CTNND2: variants seen among roughly 807,000 people sequenced by gnomAD.
CTNND2 encodes catenin delta 2.
In CTNND2, 22 loss-of-function variants were observed where a neutral mutation model predicts 144.4. That is an observed-to-expected ratio of 0.15 (90% confidence interval 0.11 to 0.22). CTNND2 has a LOEUF of 0.22. CTNND2 is among the 10% of genes least tolerant of loss of function. The pLI is 1.00. For missense variants in CTNND2, 1,353 were observed against 1,618.8 expected (o/e 0.84, Z 2.82); for synonymous variants, 751 against 695.6 (o/e 1.08, Z -1.25).
intron 11 of CTNND2, among the ~76,000 whole-genome samples, chr5:11,161,723 G>A (rs376108855): frequency 4.6e-5 from 7 of 152,074 alleles, no homozygotes; most frequent in African/African-American, 1.2e-4. Flanking sequence ...TATACAATGC[G>A]AAAATATAGG....
At chr5:11,516,767 T>C (rs1226411243) in intron 3 of CTNND2, among the ~76,000 whole-genome samples, 1 of 152,172 alleles carries the variant, frequency 6.6e-6, no homozygotes, top group Non-Finnish European at 1.5e-5. Flanking sequence ...ACAGATTTAA[T>C]ACAATCTCTA....
intron 16 of CTNND2, among the ~76,000 whole-genome samples, chr5:11,073,641 A>C (rs938117935): frequency 1.3e-5 from 2 of 152,194 alleles, no homozygotes; most frequent in Non-Finnish European, 2.9e-5. Context: ...AATTCCCCAA[A>C]AGGTGTCCCA....
chr5:11,711,945 G>T (rs1896703), intron 2 of CTNND2, among the ~76,000 whole-genome samples: 15,654 of 152,186 alleles, frequency 0.1, 929 homozygotes, highest in East Asian at 0.19. Flanking sequence ...AGTCCTCATT[G>T]ATAATTAGTT....
chr5:11,061,339 A>G (rs1292574484), intron 16 of CTNND2, among the ~76,000 whole-genome samples: 1 of 152,176 alleles, frequency 6.6e-6, no homozygotes, highest in East Asian at 1.9e-4. Flanking sequence ...GACTTTTAGT[A>G]ATAAACATCT....
intron 1 of CTNND2, among the ~76,000 whole-genome samples, chr5:11,857,819 G>A (rs1582015519): frequency 1.3e-5 from 2 of 152,148 alleles, no homozygotes; most frequent in South Asian, 2.1e-4. Flanking sequence ...GAGCATATAA[G>A]AAAAGGAAGA....
intron 3 of CTNND2, among the ~76,000 whole-genome samples, chr5:11,534,963 G>C (rs896140944): frequency 2.6e-5 from 4 of 152,088 alleles, no homozygotes; most frequent in African/African-American, 9.7e-5. Flanking sequence ...GAGGCAGGTG[G>C]ATCACCTGAG....
intron 18 of CTNND2, among the ~76,000 whole-genome samples, chr5:10,997,563 G>C (rs1016623351): frequency 2.7e-5 from 4 of 149,604 alleles, no homozygotes; most frequent in Admixed American, 2.7e-4. Flanking sequence ...CTGCACTCCA[G>C]CCTGGCAACA....
chr5:11,149,513 A>G (rs992728272), intron 12 of CTNND2, among the ~76,000 whole-genome samples: 3 of 152,194 alleles, frequency 2.0e-5, no homozygotes, highest in African/African-American at 7.2e-5. Flanking sequence ...ATAAGTTACC[A>G]TAAGAGAAGT....
rs542595440 is a variant in CTNND2, at chr5:11,014,892, C to T, written c.3084+3082G>A. Among the ~76,000 whole-genome samples, 7 of 152,290 alleles carry T rather than the reference C, an allele frequency of 4.6e-5. No individual in the cohort carries two copies. The East Asian group carries it at 1.2e-3, about 25-fold the overall frequency. ...CCATAATGTCCTTATCTCTTACCTC[C>T]TAATTATGCAAACTCCATAAATGCC... On this transcript the variant is annotated intron_variant, in intron 18 of 21. Transcript: ENST00000304623.
chr5:11,254,112 T>G (rs920192589), intron 9 of CTNND2, among the ~76,000 whole-genome samples: 1 of 152,192 alleles, frequency 6.6e-6, no homozygotes, highest in African/African-American at 2.4e-5. Flanking sequence ...TTTTTAAAAT[T>G]TACATAATTT....
intron 16 of CTNND2, among the ~76,000 whole-genome samples, chr5:11,081,497 C>A (rs1749568273): frequency 6.6e-6 from 1 of 152,116 alleles, no homozygotes; most frequent in Non-Finnish European, 1.5e-5. Flanking sequence ...GAATACATAC[C>A]AGTTAAGCAT....
intron 2 of CTNND2, among the ~76,000 whole-genome samples, chr5:11,612,388 C>A (rs2126386981): frequency 6.6e-6 from 1 of 152,216 alleles, no homozygotes; most frequent in Non-Finnish European, 1.5e-5. Context: ...CTAAGTAGTT[C>A]AATATCCCTG....
At chr5:11,306,065 C>T (rs777935141) in intron 9 of CTNND2, among the ~76,000 whole-genome samples, 4 of 152,148 alleles carry the variant, frequency 2.6e-5, no homozygotes, top group Non-Finnish European at 5.9e-5. Context: ...AACAGGAAGA[C>T]AGTGAAGAAT....
chr5:11,682,965 AATAAAG>A (rs1784485917), intron 2 of CTNND2, among the ~76,000 whole-genome samples: 1 of 152,226 alleles, frequency 6.6e-6, no homozygotes, highest in South Asian at 2.1e-4. Context: ...AACATAATTA[AATAAAG>A]ATAATTACTA....
At chr5:11,185,560 A>G (rs1735538492) in intron 11 of CTNND2, among the ~76,000 whole-genome samples, 1 of 152,240 alleles carries the variant, frequency 6.6e-6, no homozygotes, top group African/African-American at 2.4e-5. Flanking sequence ...GATGGCACAC[A>G]GTTGATGTAC....
chr5:11,662,426 A>G (rs1007600563), intron 2 of CTNND2, among the ~76,000 whole-genome samples: 5 of 151,832 alleles, frequency 3.3e-5, no homozygotes, highest in African/African-American at 4.8e-5. Context: ...TTGGAGTCCA[A>G]TGTTTGAGGG....
At chr5:11,524,189 T>C (rs1428945285) in intron 3 of CTNND2, among the ~76,000 whole-genome samples, 1 of 152,074 alleles carries the variant, frequency 6.6e-6, no homozygotes, top group Non-Finnish European at 1.5e-5. Flanking sequence ...ACCTGTGACC[T>C]CCACCTTCCC....
intron 2 of CTNND2, among the ~76,000 whole-genome samples, chr5:11,683,044 G>T (rs541722559): frequency 8.1e-4 from 124 of 152,238 alleles, no homozygotes; most frequent in Non-Finnish European, 1.4e-3. Context: ...TCACTTATTT[G>T]CCAGTCAATG....
At chr5:10,978,422 G>T (rs1736775352) in intron 21 of CTNND2, among the ~76,000 whole-genome samples, 1 of 152,010 alleles carries the variant, frequency 6.6e-6, no homozygotes, top group East Asian at 1.9e-4. Context: ...TAGTCTAAAA[G>T]AAGTAAAATG....
Sources: allele counts gnomAD v4.1 joint callset (sites outside exome capture counted in the v4.1 genomes callset), GRCh38; gene constraint gnomAD v4.1.1; transcripts MANE v1.5; gene names NCBI Gene and HGNC (gene_info 2026-07-23, HGNC 2026-07-21).